EIF2B3: variants seen among roughly 807,000 people sequenced by gnomAD.
EIF2B3 encodes the protein translation initiation factor eIF2B subunit gamma.
Under a neutral mutation model 54.1 loss-of-function variants are expected in EIF2B3, and 20 were observed. That is an observed-to-expected ratio of 0.37 (90% CI 0.26 to 0.54). The LOEUF (loss-of-function observed/expected upper bound fraction) is 0.54, where lower values mean the gene tolerates loss of function less well. Ranked by LOEUF, EIF2B3 falls within the 20% of genes least tolerant of loss-of-function variation. The pLI, the probability that EIF2B3 is intolerant of heterozygous loss-of-function variation, is 0.86. For missense variants in EIF2B3, 448 were observed against 547.8 expected (o/e 0.82, Z 1.82); for synonymous variants, 153 against 188.1 (o/e 0.81, Z 1.52).
At chr1:44,974,018 A>G (rs2148961928) in intron 3 of EIF2B3, among the ~76,000 whole-genome samples, 1 of 152,262 alleles carries the variant, frequency 6.6e-6, no homozygotes, top group East Asian at 1.9e-4. Flanking sequence ...CCAGAAAGCA[A>G]CACACCCCAC....
At chr1:44,897,307 G>GT in intron 6 of EIF2B3, 48 bp downstream of exon 6, 1 of 1,387,134 alleles carries the variant, frequency 7.2e-7, no homozygotes, top group Non-Finnish European at 1.0e-6. Flanking sequence ...AATTCACAAA[G>GT]TAGCTTGTTA....
At chr1:44,956,680 T>C (rs540512679) in intron 3 of EIF2B3, among the ~76,000 whole-genome samples, 1 of 152,282 alleles carries the variant, frequency 6.6e-6, no homozygotes, top group Non-Finnish European at 1.5e-5. Context: ...GGGAATTTAG[T>C]ATATGATAAT....
At chr1:44,945,281 G>A (rs894751511) in intron 3 of EIF2B3, among the ~76,000 whole-genome samples, 1 of 151,294 alleles carries the variant, frequency 6.6e-6, no homozygotes, top group Admixed American at 6.6e-5. Context: ...CCCACTGGGC[G>A]CGGTGGCTCA....
intron 5 of EIF2B3, among the ~76,000 whole-genome samples, chr1:44,915,853 CTT>C (rs1182404711): frequency 6.6e-6 from 1 of 152,026 alleles, no homozygotes; most frequent in African/African-American, 2.4e-5. Context: ...AAATAGTAAA[CTT>C]AATATATCTT....
intron 8 of EIF2B3, among the ~76,000 whole-genome samples, chr1:44,879,414 T>C (rs1011246350): frequency 1.2e-4 from 19 of 152,232 alleles, no homozygotes; most frequent in Non-Finnish European, 2.6e-4. Context: ...TATACTCTGC[T>C]CCTTCACCTT....
chr1:44,911,866 C>T (rs941606355), intron 5 of EIF2B3, among the ~76,000 whole-genome samples: 4 of 141,258 alleles, frequency 2.8e-5, no homozygotes, highest in Non-Finnish European at 6.1e-5. Context: ...CCTCCCCCAA[C>T]CCACAACAGT....
rs181299066 is a variant in EIF2B3, at chr1:44,860,003, C to A, written c.1203-2196G>T. 3.0e-3 allele frequency among the ~76,000 whole-genome samples: 458 copies of A among 151,770 alleles called. 3 individuals carry two copies. The highest frequency in any genetic ancestry group is 0.011 in the African/African-American group (437 of 41,414). Reference sequence around the variant, plus strand: ...CAACTCCTGACCTCAGGTGATCCAGCCTTCTTTTTTTTTTTTGAGATGGAG... The same window carrying A: ...CAACTCCTGACCTCAGGTGATCCAGACTTCTTTTTTTTTTTTGAGATGGAG... On this transcript the variant is annotated intron_variant, in intron 10 of 11. Transcript: ENST00000360403.
intron 5 of EIF2B3, among the ~76,000 whole-genome samples, chr1:44,922,319 G>A (rs1428755318): frequency 4.7e-5 from 7 of 149,894 alleles, no homozygotes; most frequent in Non-Finnish European, 8.9e-5. Flanking sequence ...AGGCATGGTG[G>A]CTCACGCCTG....
chr1:44,950,211 C>A (rs1401747258), intron 3 of EIF2B3, among the ~76,000 whole-genome samples: 1 of 152,148 alleles, frequency 6.6e-6, no homozygotes, highest in Non-Finnish European at 1.5e-5. Context: ...CTGTTTGAGG[C>A]CAGGAGTTTG....
At chr1:44,908,479 T>G (rs1447749114) in intron 5 of EIF2B3, among the ~76,000 whole-genome samples, 1 of 152,108 alleles carries the variant, frequency 6.6e-6, no homozygotes, top group Non-Finnish European at 1.5e-5. Flanking sequence ...GGCTGAAGGA[T>G]TACCAGGAAC....
chr1:44,963,472 G>A (rs536361802), intron 3 of EIF2B3, among the ~76,000 whole-genome samples: 6 of 151,802 alleles, frequency 4.0e-5, no homozygotes, highest in Non-Finnish European at 5.9e-5. Context: ...GTTTTGCCAC[G>A]TTGTCCAGGC....
chr1:44,889,148 G>A (rs1243129084), intron 6 of EIF2B3, among the ~76,000 whole-genome samples: 1 of 152,130 alleles, frequency 6.6e-6, no homozygotes, highest in Non-Finnish European at 1.5e-5. Flanking sequence ...CTTTCCCTAA[G>A]CACCTGGGAA....
chr1:44,868,381 GAAT>G (rs1483410536), intron 10 of EIF2B3, among the ~76,000 whole-genome samples: 1 of 104,222 alleles, frequency 9.6e-6, no homozygotes, highest in Non-Finnish European at 1.7e-5. Context: ...CTGGGTGACA[GAAT>G]GAGACTCCGT....
intron 5 of EIF2B3, among the ~76,000 whole-genome samples, chr1:44,905,419 T>A (rs563192804): frequency 1.3e-5 from 2 of 152,238 alleles, no homozygotes; most frequent in African/African-American, 4.8e-5. Flanking sequence ...TCTGGCTGAC[T>A]GATAGTGATT....
At chr1:44,875,718 C>T (rs1418561688) in intron 8 of EIF2B3, 23 bp from the exon 9 acceptor site, 2 of 1,607,344 alleles carry the variant, frequency 1.2e-6, no homozygotes, top group Admixed American at 1.7e-5. Context: ...GATTTGGTCA[C>T]TAAAGATCAG....
Position 44,935,940 on chromosome 1 carries a change from G to T in EIF2B3, c.454+5566C>A, listed in dbSNP as rs1643942270. 1.4e-5 allele frequency among the ~76,000 whole-genome samples: 2 copies of T among 145,016 alleles called. 1 individual carries two copies. The highest frequency in any genetic ancestry group is 4.3e-4 in the South Asian group (2 of 4,618). On this transcript the variant is annotated intron_variant, in intron 4 of 11. Transcript: ENST00000360403. The stretch of plus-strand genomic sequence containing the variant: ...GAGGGTAGGGATATTGTGGCATTTT[G>T]GTTTTTTTTTTTTTCTGTTTCTATA...
rs140090975 is a variant in EIF2B3 at position 44,985,583 on chromosome 1, A to G, written c.-10+910T>C. ...GAGGACCTGTGAACTTCACAACTGT[A>G]TAAGAGTCAAACTCAAACATGTGCA... On this transcript the variant is annotated intron_variant, in intron 1 of 11. Coordinates refer to ENST00000360403, the MANE Select transcript of EIF2B3 (RefSeq NM_020365.5). Among the ~76,000 whole-genome samples, 775 of 152,364 alleles carry G rather than the reference A, an allele frequency of 5.1e-3. 5 individuals carry two copies. The highest frequency in any genetic ancestry group is 0.027 in the Middle Eastern group (8 of 294).
At chr1:44,943,784 T>A (rs749609837) in intron 3 of EIF2B3, among the ~76,000 whole-genome samples, 1 of 152,204 alleles carries the variant, frequency 6.6e-6, no homozygotes, top group Non-Finnish European at 1.5e-5. Flanking sequence ...GTTATGTAAC[T>A]AAGATTTAAC....
chr1:44,863,034 G>A (rs911431093), intron 10 of EIF2B3: 9 of 152,208 alleles, frequency 5.9e-5, no homozygotes, highest in Non-Finnish European at 1.2e-4. Flanking sequence ...ACTGTATCAC[G>A]GGCTCCTGCT....
Sources: gnomAD v4.1 joint callset for allele counts (sites outside exome capture counted in the v4.1 genomes callset) on GRCh38, gnomAD v4.1.1 for gene constraint, MANE v1.5 for transcripts, NCBI Gene and HGNC (gene_info 2026-07-23, HGNC 2026-07-21) for gene names.